The following ARHGAP15 variants were observed in gnomAD, a reference collection of about 807,000 sequenced individuals.
ARHGAP15 encodes the protein rho GTPase-activating protein 15.
In ARHGAP15, 51 loss-of-function variants were observed where a neutral mutation model predicts 63.7. The ratio of observed to expected loss-of-function variants is 0.80; its 90% CI spans 0.64 to 1.01. ARHGAP15 has a LOEUF of 1.01. Ranked by LOEUF, ARHGAP15 falls within the 50% of genes least tolerant of loss-of-function variation. The pLI is 0.00. For missense variants in ARHGAP15, 560 were observed against 564.6 expected (o/e 0.99, Z 0.08); for synonymous variants, 191 against 193.8 (o/e 0.99, Z 0.12).
chr2:143,673,211 CTA>C (rs1682619101), intron 12 of ARHGAP15, among the ~76,000 whole-genome samples: 1 of 152,138 alleles, frequency 6.6e-6, no homozygotes, highest in African/African-American at 2.4e-5. Context: ...ATATTCAATT[CTA>C]TATAGCATCT....
chr2:143,546,920 T>A (rs1695357849), intron 10 of ARHGAP15, among the ~76,000 whole-genome samples: 1 of 152,036 alleles, frequency 6.6e-6, no homozygotes, highest in Non-Finnish European at 1.5e-5. Flanking sequence ...GACTAAGATT[T>A]TTTTAAAAAA....
chr2:143,456,494 C>T (rs937705731), intron 8 of ARHGAP15, among the ~76,000 whole-genome samples: 1 of 151,624 alleles, frequency 6.6e-6, no homozygotes, highest in Non-Finnish European at 1.5e-5. Context: ...AAGCATTTCC[C>T]TTCCAAAAAG....
intron 13 of ARHGAP15, chr2:143,741,267 A>G (rs975375482): frequency 6.6e-6 from 1 of 152,238 alleles, no homozygotes; most frequent in South Asian, 2.1e-4. Flanking sequence ...TAAAGAAAAT[A>G]TTTTAAAACC....
chr2:143,504,229 G>A (rs1235472704), intron 9 of ARHGAP15, among the ~76,000 whole-genome samples: 10 of 152,050 alleles, frequency 6.6e-5, no homozygotes, highest in Non-Finnish European at 1.0e-4. Context: ...TACTTTATAG[G>A]CAATTTTGTT....
At chr2:143,401,426 T>C (rs903767153) in intron 6 of ARHGAP15, among the ~76,000 whole-genome samples, 8 of 152,000 alleles carry the variant, frequency 5.3e-5, no homozygotes, top group Admixed American at 3.9e-4. Context: ...AGGACATCAT[T>C]CCATGTGGGA....
At chr2:143,462,512 A>G (rs1267922811) in intron 8 of ARHGAP15, among the ~76,000 whole-genome samples, 1 of 152,210 alleles carries the variant, frequency 6.6e-6, no homozygotes, top group East Asian at 1.9e-4. Context: ...TCATACATCT[A>G]TTCATTCAAT....
At position 143,652,368 on chromosome 2, in the gene ARHGAP15, C is replaced by G. The variant is rs144643185; in HGVS notation, c.1138+28101C>G. Among the ~76,000 whole-genome samples the G allele has an allele frequency of 3.8e-3, 577 of 152,148 alleles. 6 individuals are homozygous for G. Among genetic ancestry groups the G allele is most frequent in the Middle Eastern group, 0.02 (6 of 294 alleles). On this transcript the variant is annotated intron_variant, in intron 12 of 13. Transcript: ENST00000295095. ...TTTATTTACAAAAGAAGGCAACAAG[C>G]TGGAAGTATACCGCAGGTCATAGTT...
At chr2:143,310,164 C>G (rs1336793350) in intron 6 of ARHGAP15, among the ~76,000 whole-genome samples, 1 of 151,912 alleles carries the variant, frequency 6.6e-6, no homozygotes, top group African/African-American at 2.4e-5. Flanking sequence ...CATAAGCAGT[C>G]TGATGTTATT....
intron 6 of ARHGAP15, among the ~76,000 whole-genome samples, chr2:143,255,127 T>C (rs1680355591): frequency 6.6e-6 from 1 of 152,144 alleles, no homozygotes; most frequent in Non-Finnish European, 1.5e-5. Flanking sequence ...TACATTGGGC[T>C]CTTCTATAGA....
intron 13 of ARHGAP15, among the ~76,000 whole-genome samples, chr2:143,763,534 C>T (rs1435421040): frequency 6.6e-6 from 1 of 151,596 alleles, no homozygotes; most frequent in African/African-American, 2.4e-5. Context: ...AACCTAAAGA[C>T]AGTGATTTCT....
chr2:143,711,003 G>A (rs1684555396), intron 13 of ARHGAP15, among the ~76,000 whole-genome samples: 1 of 152,200 alleles, frequency 6.6e-6, no homozygotes, highest in Non-Finnish European at 1.5e-5. Context: ...AACAAAATCA[G>A]GGGTTGGAAA....
At chr2:143,370,829 C>A (rs1686517602) in intron 6 of ARHGAP15, among the ~76,000 whole-genome samples, 1 of 152,126 alleles carries the variant, frequency 6.6e-6, no homozygotes, top group African/African-American at 2.4e-5. Flanking sequence ...TTACTTCTTT[C>A]TCTACTATGG....
At chr2:143,587,150 C>G (rs1697139102) in intron 11 of ARHGAP15, among the ~76,000 whole-genome samples, 1 of 152,096 alleles carries the variant, frequency 6.6e-6, no homozygotes, top group Non-Finnish European at 1.5e-5. Context: ...ACAGCCATTC[C>G]CATGTCCTGA....
intron 6 of ARHGAP15, among the ~76,000 whole-genome samples, chr2:143,421,590 A>G (rs192044906): frequency 5.7e-4 from 87 of 152,202 alleles, no homozygotes; most frequent in Middle Eastern, 3.4e-3. Flanking sequence ...AGTGGGTCAC[A>G]GAATCAATTT....
At chr2:143,584,310 C>A (rs1697021949) in intron 11 of ARHGAP15, among the ~76,000 whole-genome samples, 1 of 152,086 alleles carries the variant, frequency 6.6e-6, no homozygotes, top group African/African-American at 2.4e-5. Flanking sequence ...GCAATATAAT[C>A]TGGATAATTA....
At chr2:143,304,694 A>G (rs1355528158) in intron 6 of ARHGAP15, among the ~76,000 whole-genome samples, 2 of 152,162 alleles carry the variant, frequency 1.3e-5, no homozygotes, top group East Asian at 1.9e-4. Context: ...AATATCACTT[A>G]TTTAAAAATA....
At chr2:143,341,330 T>C (rs971814421) in intron 6 of ARHGAP15, among the ~76,000 whole-genome samples, 1 of 152,132 alleles carries the variant, frequency 6.6e-6, no homozygotes, top group Non-Finnish European at 1.5e-5. Context: ...TTTCACATTA[T>C]CCACTGCTGT....
At chr2:143,221,669 C>A (rs1693002144) in intron 4 of ARHGAP15, among the ~76,000 whole-genome samples, 1 of 152,194 alleles carries the variant, frequency 6.6e-6, no homozygotes, top group Non-Finnish European at 1.5e-5. Flanking sequence ...CTCAGCACCA[C>A]AAACTTTCTT....
chr2:143,534,017 C>T (rs1039235262), intron 10 of ARHGAP15, among the ~76,000 whole-genome samples: 5 of 152,128 alleles, frequency 3.3e-5, no homozygotes, highest in Admixed American at 1.3e-4. Context: ...CTCATCTCTC[C>T]AGTGAGCCTG....
Sources: allele counts gnomAD v4.1 joint callset (sites outside exome capture counted in the v4.1 genomes callset), GRCh38; gene constraint gnomAD v4.1.1; transcripts MANE v1.5; gene names NCBI Gene and HGNC (gene_info 2026-07-23, HGNC 2026-07-21).